The following SOX6 variants were observed in gnomAD, a reference collection of about 807,000 sequenced individuals.
SOX6 encodes transcription factor SOX-6.
A neutral mutation model predicts 97.8 loss-of-function variants in SOX6; 11 were observed. The observed-to-expected ratio is 0.11, with a 90% CI of 0.07 to 0.19. The LOEUF is 0.19. SOX6 is among the 10% of genes least tolerant of loss of function. The pLI is 1.00. For missense variants in SOX6, 810 were observed against 1,039.5 expected, an observed-to-expected ratio of 0.78 and a Z score of 3.04; for synonymous variants, 360 against 371.4, an observed-to-expected ratio of 0.97 and a Z score of 0.35.
At chr11:16,196,091 G>A (rs187271653) in intron 4 of SOX6, among the ~76,000 whole-genome samples, 3 of 152,258 alleles carry the variant, frequency 2.0e-5, no homozygotes, top group East Asian at 1.9e-4. Flanking sequence ...AGCCCACTAT[G>A]CCCCTTCATA....
chr11:16,088,847 G>C (rs1239239573), intron 9 of SOX6, among the ~76,000 whole-genome samples: 1 of 152,144 alleles, frequency 6.6e-6, no homozygotes, highest in South Asian at 2.1e-4. Flanking sequence ...CTTGCACTTT[G>C]TATAGTTTGA....
At chr11:16,443,087 C>A (rs192142434) in intron 1 of SOX6, among the ~76,000 whole-genome samples, 2 of 151,986 alleles carry the variant, frequency 1.3e-5, no homozygotes, top group African/African-American at 4.8e-5. Context: ...AAATATTATA[C>A]CCCCATATTA....
intron 1 of SOX6, among the ~76,000 whole-genome samples, chr11:16,443,181 C>A (rs1466392284): frequency 1.3e-5 from 2 of 152,188 alleles, no homozygotes; most frequent in Admixed American, 6.5e-5. Context: ...AGCTTCCCCC[C>A]AGTTCTTCCG....
chr11:16,621,550 AG>A lies in SOX6; in HGVS notation n.430-9291del, dbSNP rs1348108961. Among the ~76,000 whole-genome samples, 3 of 152,326 alleles carry A rather than the reference AG, an allele frequency of 2.0e-5. No homozygotes were observed. The East Asian group carries it at 5.8e-4, about 29-fold the overall frequency. On this transcript the variant is annotated intron_variant and non_coding_transcript_variant, in intron 3 of 5. Coordinates refer to the SOX6 transcript ENST00000524520. ...AGTGTTGTACATAAAGATGAGCTAGAGTATTAGATCGTCTTAAAAGTATAGT... is the reference window on the plus strand; with the variant it reads ...AGTGTTGTACATAAAGATGAGCTAGATATTAGATCGTCTTAAAAGTATAGT...
chr11:16,311,582 C>T (rs1394249809), intron 3 of SOX6: 2 of 152,100 alleles, frequency 1.3e-5, no homozygotes, highest in African/African-American at 4.8e-5. Context: ...TAAAGATACT[C>T]ATTTTTTGGT....
intron 4 of SOX6, among the ~76,000 whole-genome samples, chr11:16,561,790 C>T (rs34840028): frequency 0.25 from 37,464 of 151,936 alleles, 5,116 homozygotes; most frequent in East Asian, 0.48. Flanking sequence ...AGTGCAGTGG[C>T]GCGATCATAG....
chr11:16,652,411 G>C (rs1590039265), intron 3 of SOX6, among the ~76,000 whole-genome samples: 1 of 152,192 alleles, frequency 6.6e-6, no homozygotes, highest in East Asian at 1.9e-4. Context: ...TATAAAAATA[G>C]GTACATAGAC....
intron 4 of SOX6, among the ~76,000 whole-genome samples, chr11:16,214,107 C>T (rs1420682409): frequency 1.3e-5 from 2 of 152,184 alleles, no homozygotes; most frequent in Non-Finnish European, 2.9e-5. Flanking sequence ...CCTTAAAATG[C>T]AGCCAATGTT....
At chr11:16,432,240 C>T (rs775825258) in intron 1 of SOX6, among the ~76,000 whole-genome samples, 1 of 152,036 alleles carries the variant, frequency 6.6e-6, no homozygotes, top group African/African-American at 2.4e-5. Context: ...CTGCGCCCCA[C>T]TGAGTGAAGT....
intron 7 of SOX6, among the ~76,000 whole-genome samples, chr11:16,106,879 A>G (rs944461269): frequency 1.3e-5 from 2 of 152,092 alleles, no homozygotes; most frequent in African/African-American, 4.8e-5. Context: ...TACACAAATA[A>G]CTGAAACTCA....
intron 3 of SOX6, among the ~76,000 whole-genome samples, chr11:16,683,741 T>G (rs1285360396): frequency 2.6e-5 from 4 of 152,160 alleles, no homozygotes; most frequent in East Asian, 1.9e-4. Context: ...AAATGGGATC[T>G]AATTAAACTA....
chr11:16,291,229 TTATATATATATATATATATATATATATA>T (rs10529279), intron 3 of SOX6, among the ~76,000 whole-genome samples: 5,359 of 143,530 alleles, frequency 0.037, 268 homozygotes, highest in African/African-American at 0.098. Context: ...TTCTATAAAT[TTATATATATATATATATATATATATATA>T]TATATATATA....
intron 3 of SOX6, among the ~76,000 whole-genome samples, chr11:16,666,765 C>T (rs957932859): frequency 2.6e-5 from 4 of 151,362 alleles, no homozygotes; most frequent in African/African-American, 7.3e-5. Context: ...CACTGCACAC[C>T]AACCTGGATG....
chr11:16,081,063 T>C (rs1704244213), intron 9 of SOX6, among the ~76,000 whole-genome samples: 1 of 152,050 alleles, frequency 6.6e-6, no homozygotes, highest in South Asian at 2.1e-4. Flanking sequence ...CACTCCAGCC[T>C]GGGCAAGAAA....
chr11:16,032,549 C>T (rs1424481114), intron 12 of SOX6, among the ~76,000 whole-genome samples: 1 of 152,110 alleles, frequency 6.6e-6, no homozygotes, highest in East Asian at 1.9e-4. Flanking sequence ...GATTGACTGT[C>T]TCCAAGTTTA....
At chr11:16,452,022 T>G (rs1859728798) in intron 1 of SOX6, among the ~76,000 whole-genome samples, 1 of 78,740 alleles carries the variant, frequency 1.3e-5, no homozygotes, top group Admixed American at 1.2e-4. Flanking sequence ...AAAATAAAAT[T>G]TTAAAAAGCA....
rs1315369652 is a variant in SOX6, at chr11:16,326,514, TA to T, written c.238-7862del. ...TAATCCATAGGGCTACAGTTTTTTT[TA>T]AAAAAAAAAGTCACTCTCAACAGTA... On this transcript the variant is annotated intron_variant, in intron 2 of 15. Transcript: ENST00000683767. Among the ~76,000 whole-genome samples the T allele has an allele frequency of 2.5e-4, 38 of 149,872 alleles. 1 individual carries two copies. The highest frequency in any genetic ancestry group is 6.6e-5 in the Admixed American group (1 of 15,076).
intron 6 of SOX6, among the ~76,000 whole-genome samples, chr11:16,144,699 C>CCAT (rs1462476366): frequency 6.6e-6 from 1 of 152,116 alleles, no homozygotes; most frequent in African/African-American, 2.4e-5. Flanking sequence ...ATACAAACTA[C>CCAT]CATCAGAGAA....
At chr11:16,105,868 A>G (rs1849066594) in intron 7 of SOX6, among the ~76,000 whole-genome samples, 1 of 152,154 alleles carries the variant, frequency 6.6e-6, no homozygotes. Flanking sequence ...GCAGAGTATA[A>G]GCTTAACACG....
Sources: allele counts gnomAD v4.1 joint callset (sites outside exome capture counted in the v4.1 genomes callset), GRCh38; gene constraint gnomAD v4.1.1; transcripts MANE v1.5; gene names NCBI Gene and HGNC (gene_info 2026-07-23, HGNC 2026-07-21).